The following SDR42E1 variants were observed in gnomAD, a reference collection of about 807,000 sequenced individuals.
SDR42E1 encodes the protein short chain dehydrogenase/reductase family 42E, member 1.
A neutral mutation model predicts 2.6 loss-of-function variants in SDR42E1; 5 were observed. That is an observed-to-expected ratio of 1.94 (90% CI 1.01 to 4.08). The LOEUF (loss-of-function observed/expected upper bound fraction) is 4.08, where lower values mean the gene tolerates loss of function less well. Ranked by LOEUF, SDR42E1 falls within the 30% of genes most tolerant of loss-of-function variation. SDR42E1 has a pLI of 0.00. For synonymous variants in SDR42E1, 231 were observed against 188.3 expected, an observed-to-expected ratio of 1.23 and a Z score of -1.86; for missense variants, 596 against 478.6, an observed-to-expected ratio of 1.25 and a Z score of -2.29.
In SDR42E1 at chr16:81,998,253, AT is replaced by A. The variant is rs1912595980; in HGVS notation, c.*857del. ...CTTGATTGACTCCCTTAATCATCAG[AT>A]TTTTAGTTGCTTCATTGTGGCCTTC... On this transcript the variant is annotated 3_prime_UTR_variant, in exon 3 of 3. Coordinates refer to ENST00000328945, the MANE Select transcript of SDR42E1 (RefSeq NM_145168.3). 1 of 152,204 alleles carries A rather than the reference AT, an allele frequency of 6.6e-6. No homozygotes were observed. The highest frequency in any genetic ancestry group is 2.4e-5 in the African/African-American group (1 of 41,460). 9.4% of individuals were successfully genotyped at this position (152,204 alleles called of 1,614,324 possible). A position where few individuals can be genotyped will look rare whatever the true frequency, so the allele number is the denominator to read the frequency against.
At chr16:82,002,680 G>A (rs1015344559) in intron 1 of SDR42E1, among the ~76,000 whole-genome samples, 1 of 152,138 alleles carries the variant, frequency 6.6e-6, no homozygotes, top group African/African-American at 2.4e-5. Context: ...AGTCTTAAAT[G>A]AAAAGAGAAT....
In SDR42E1 at chr16:81,999,389, C is replaced by T. The variant is rs756067595; in HGVS notation, c.904G>A (p.Gly302Ser). ...FLTEMVHFIL[G>S]RLYNFQPFLT... ...AAGGGCTGGAAGTTGTAGAGTCGACCCAAAATGAAGTGAACCATCTCTGTT... is the reference window on the plus strand; with the variant it reads ...AAGGGCTGGAAGTTGTAGAGTCGACTCAAAATGAAGTGAACCATCTCTGTT... The change falls in exon 3 of 3, where the codon GGT becomes AGT. Residue 302 changes from glycine (G) to serine (S), a missense_variant. Transcript: ENST00000328945. 63 of 1,614,056 alleles carry T rather than the reference C, an allele frequency of 3.9e-5. No individual in the cohort carries two copies. Among genetic ancestry groups the T allele is most frequent in the Non-Finnish European group, 4.9e-5 (58 of 1,180,050 alleles).
chr16:81,993,490 A>T lies in SDR42E1; in HGVS notation c.*5621T>A, dbSNP rs1383290217. On this transcript the variant is annotated 3_prime_UTR_variant, in exon 3 of 3. Transcript: ENST00000328945. Reference sequence around the variant, plus strand: ...CGTGCTTTTCTGGTTGTTACAGTGAAAGGACCGATTCCAGAGCTTCCTACT... The same window carrying T: ...CGTGCTTTTCTGGTTGTTACAGTGATAGGACCGATTCCAGAGCTTCCTACT... The T allele has an allele frequency of 6.6e-6, 1 of 152,116 alleles. No individual in the cohort carries two copies. Among genetic ancestry groups the T allele is most frequent in the Non-Finnish European group, 1.5e-5 (1 of 68,044 alleles). The allele number at this position is 152,116 out of a possible 1,614,324, so 9.4% of individuals were successfully genotyped here.
At chr16:82,010,018 C>A (rs1913074665) in intron 1 of SDR42E1, among the ~76,000 whole-genome samples, 2 of 152,208 alleles carry the variant, frequency 1.3e-5, no homozygotes, top group South Asian at 2.1e-4. Context: ...AGCTCTCTTG[C>A]CTGCCACCAT....
chr16:82,009,595 T>C (rs939254963), intron 1 of SDR42E1, among the ~76,000 whole-genome samples: 2 of 152,244 alleles, frequency 1.3e-5, no homozygotes, highest in Non-Finnish European at 2.9e-5. Context: ...ATGAGTATAC[T>C]TACCCAATAC....
chr16:82,001,631 G>A (rs1912761188), intron 1 of SDR42E1, among the ~76,000 whole-genome samples: 2 of 152,110 alleles, frequency 1.3e-5, no homozygotes, highest in Admixed American at 6.5e-5. Flanking sequence ...GGCCAGGCAC[G>A]GTGGCTCACA....
In SDR42E1 at chr16:81,990,314, A is replaced by G. The variant is rs1212378377; in HGVS notation, c.*8797T>C. On this transcript the variant is annotated 3_prime_UTR_variant, in exon 3 of 3. Transcript: ENST00000328945. The stretch of plus-strand genomic sequence containing the variant: ...CACCATGTCTCAAAAGAAAAAAAGA[A>G]AAGCCACGGTAAATAAACTAATACC... The G allele has an allele frequency of 6.6e-6, 1 of 152,268 alleles. No individual in the cohort carries two copies. Among genetic ancestry groups the G allele is most frequent in the Non-Finnish European group, 1.5e-5 (1 of 68,070 alleles). 9.4% of individuals were successfully genotyped at this position (152,268 alleles called of 1,614,324 possible). A position where few individuals can be genotyped will look rare whatever the true frequency, so the allele number is the denominator to read the frequency against.
rs907267506 is a variant in SDR42E1, at chr16:81,992,143, C to G, written c.*6968G>C. 6.6e-6 allele frequency: 1 copy of G among 151,598 alleles called. No individual in the cohort carries two copies. Among genetic ancestry groups the G allele is most frequent in the Non-Finnish European group, 1.5e-5 (1 of 67,990 alleles). 9.4% of individuals were successfully genotyped at this position (151,598 alleles called of 1,614,324 possible). A position where few individuals can be genotyped will look rare whatever the true frequency, so the allele number is the denominator to read the frequency against. On this transcript the variant is annotated 3_prime_UTR_variant, in exon 3 of 3. Transcript: ENST00000328945. ...TGCACTCCAGCCTGGGCAACAAGAGCAAAACTCCATCTCAAAAAAAAGAAA... is the reference window on the plus strand; with the variant it reads ...TGCACTCCAGCCTGGGCAACAAGAGGAAAACTCCATCTCAAAAAAAAGAAA...
intron 1 of SDR42E1, among the ~76,000 whole-genome samples, chr16:82,010,167 G>T (rs1475657797): frequency 6.6e-6 from 1 of 152,180 alleles, no homozygotes; most frequent in African/African-American, 2.4e-5. Flanking sequence ...TTTATTAGCA[G>T]CATGAGAATG....
intron 1 of SDR42E1, among the ~76,000 whole-genome samples, chr16:82,008,898 T>C (rs1266687092): frequency 6.6e-6 from 1 of 152,146 alleles, no homozygotes; most frequent in Non-Finnish European, 1.5e-5. Flanking sequence ...GCAAAAATGG[T>C]TTCCTGGGCT....
chr16:81,993,550 T>G lies in SDR42E1; in HGVS notation c.*5561A>C, dbSNP rs550637077. On this transcript the variant is annotated 3_prime_UTR_variant, in exon 3 of 3. Transcript: ENST00000328945. ...TACATGATGTCACCCTTCTGGAGTCTGCATTTTTAATTTAGGCCTTGAATG... is the reference window on the plus strand; with the variant it reads ...TACATGATGTCACCCTTCTGGAGTCGGCATTTTTAATTTAGGCCTTGAATG... 6.6e-6 allele frequency: 1 copy of G among 152,318 alleles called. No homozygotes were observed. Among genetic ancestry groups the G allele is most frequent in the South Asian group, 2.1e-4 (1 of 4,824 alleles). 9.4% of individuals were successfully genotyped at this position (152,318 alleles called of 1,614,324 possible). A position where few individuals can be genotyped will look rare whatever the true frequency, so the allele number is the denominator to read the frequency against.
At position 81,999,052 on chromosome 16, in the gene SDR42E1, C is replaced by A. The variant is rs373405550; in HGVS notation, c.*59G>T. The A allele has an allele frequency of 9.1e-6, 14 of 1,543,864 alleles. No individual in the cohort carries two copies. The African/African-American group carries it at 1.8e-4, about 20-fold the overall frequency. On this transcript the variant is annotated 3_prime_UTR_variant, in exon 3 of 3. Coordinates refer to ENST00000328945, the MANE Select transcript of SDR42E1 (RefSeq NM_145168.3). ...AGATATCACTGTACACATTTTAAAA[C>A]CCATGTTTCTTGAGAACCATCTCAG...
At chr16:82,003,195 G>C (rs1178585112) in intron 1 of SDR42E1, among the ~76,000 whole-genome samples, 1 of 152,100 alleles carries the variant, frequency 6.6e-6, no homozygotes, top group African/African-American at 2.4e-5. Flanking sequence ...GAGTTCCCAA[G>C]GTTCCATTAA....
Position 81,999,242 on chromosome 16 carries a change from T to C in SDR42E1, c.1051A>G (p.Lys351Glu), listed in dbSNP as rs773402523. 1 of 1,614,220 alleles carries C rather than the reference T, an allele frequency of 6.2e-7. No homozygotes were observed. The highest frequency in any genetic ancestry group is 8.5e-7 in the Non-Finnish European group (1 of 1,180,028). ...FDLQEAVEWF[K>E]AHGHGRSSGS... is the part of the protein sequence containing the mutation. ...GAACTTCTGCCATGACCATGGGCTT[T>C]AAACCATTCCACTGCTTCCTGGAGG... The change falls in exon 3 of 3, where the codon AAA becomes GAA. Residue 351 changes from lysine to glutamate, a missense_variant. Physicochemically the swap from Lys to Glu is moderately conservative, Grantham distance 56. Coordinates refer to ENST00000328945, the MANE Select transcript of SDR42E1 (RefSeq NM_145168.3).
Position 81,999,735 on chromosome 16 carries a change from A to AAG in SDR42E1, c.557_558insCT (p.Gly187LeufsTer15). On this transcript the variant is annotated frameshift_variant, in exon 3 of 3. Coordinates refer to ENST00000328945, the MANE Select transcript of SDR42E1 (RefSeq NM_145168.3). LOFTEE classifies it high-confidence loss of function. Reference sequence around the variant, plus strand: ...TTTGTTCTCCAGGCCCATAGATGCCAGCTGGCCTCAGAGCGCAGGTTCTTA... The same window carrying AAG: ...TTTGTTCTCCAGGCCCATAGATGCCAAGGCTGGCCTCAGAGCGCAGGTTCTTA... The AAG allele has an allele frequency of 6.2e-7, 1 of 1,614,206 alleles. No individual in the cohort carries two copies. Among genetic ancestry groups the AAG allele is most frequent in the Non-Finnish European group, 8.5e-7 (1 of 1,180,022 alleles).
At chr16:82,005,085 C>G (rs563206587) in intron 1 of SDR42E1, among the ~76,000 whole-genome samples, 2 of 152,180 alleles carry the variant, frequency 1.3e-5, no homozygotes, top group African/African-American at 4.8e-5. Context: ...CCTTCAAAAG[C>G]CCAATTAAAA....
intron 1 of SDR42E1, among the ~76,000 whole-genome samples, chr16:82,004,184 G>A (rs1597179344): frequency 6.6e-6 from 1 of 152,192 alleles, no homozygotes; most frequent in East Asian, 1.9e-4. Context: ...TAAACAAAGT[G>A]TGGTGGGAAA....
At chr16:82,007,305 T>A (rs1205415111) in intron 1 of SDR42E1, among the ~76,000 whole-genome samples, 2 of 152,180 alleles carry the variant, frequency 1.3e-5, no homozygotes, top group Non-Finnish European at 2.9e-5. Flanking sequence ...GTCTATAAAT[T>A]GAAGTAATAC....
chr16:81,999,033 C>T lies in SDR42E1; in HGVS notation c.*78G>A. 6.9e-7 allele frequency: 1 copy of T among 1,458,270 alleles called. No individual in the cohort carries two copies. Among genetic ancestry groups the T allele is most frequent in the Non-Finnish European group, 9.2e-7 (1 of 1,081,502 alleles). 90.3% of individuals were successfully genotyped at this position (1,458,270 alleles called of 1,614,324 possible). A position where few individuals can be genotyped will look rare whatever the true frequency, so the allele number is the denominator to read the frequency against. On this transcript the variant is annotated 3_prime_UTR_variant, in exon 3 of 3. Coordinates refer to ENST00000328945, the MANE Select transcript of SDR42E1 (RefSeq NM_145168.3). ...AGAGCCAATGTTTGGCACCAGATAT[C>T]ACTGTACACATTTTAAAACCCATGT...
Sources: allele counts gnomAD v4.1 joint callset (sites outside exome capture counted in the v4.1 genomes callset), GRCh38; gene constraint gnomAD v4.1.1; transcripts MANE v1.5; gene names NCBI Gene and HGNC (gene_info 2026-07-23, HGNC 2026-07-21).